The following CTNNA3 variants were observed in gnomAD, a reference collection of about 807,000 sequenced individuals.
CTNNA3 encodes catenin alpha 3.
Under a neutral mutation model 95.7 loss-of-function variants are expected in CTNNA3, and 76 were observed. That is an observed-to-expected ratio of 0.79 (90% CI 0.66 to 0.96). The LOEUF (loss-of-function observed/expected upper bound fraction) is 0.96, where lower values mean the gene tolerates loss of function less well. Ranked by LOEUF, CTNNA3 falls within the 40% of genes least tolerant of loss-of-function variation. The probability of loss-of-function intolerance (pLI) is 0.00; values close to 1 mark genes in which losing one functional copy is unlikely to be tolerated. For synonymous variants in CTNNA3, 431 were observed against 374.4 expected (o/e 1.15, Z -1.74); for missense variants, 1,191 against 1,089.8 (o/e 1.09, Z -1.31).
chr10:67,628,524 G>C, intron 2 of CTNNA3, among the ~76,000 whole-genome samples: 1 of 151,900 alleles, frequency 6.6e-6, no homozygotes, highest in African/African-American at 2.4e-5. Flanking sequence ...ACTAACTTTG[G>C]GATTTTCCCA....
At chr10:67,512,715 G>A (rs973101896) in intron 5 of CTNNA3, among the ~76,000 whole-genome samples, 9 of 151,244 alleles carry the variant, frequency 6.0e-5, no homozygotes, top group Non-Finnish European at 1.0e-4. Context: ...GGCCAGGAGC[G>A]GTGGCTCACA....
chr10:66,904,523 A>C (rs12241627), intron 7 of CTNNA3, among the ~76,000 whole-genome samples: 3 of 152,002 alleles, frequency 2.0e-5, no homozygotes, highest in African/African-American at 4.8e-5. Context: ...AAATGGGATC[A>C]AGTTAAACTA....
At chr10:66,767,274 C>T (rs56996505) in intron 8 of CTNNA3, among the ~76,000 whole-genome samples, 1 of 151,670 alleles carries the variant, frequency 6.6e-6, no homozygotes, top group East Asian at 1.9e-4. Flanking sequence ...GGTAAAACCC[C>T]GTCTCTACTA....
intron 1 of CTNNA3, among the ~76,000 whole-genome samples, chr10:67,650,845 G>A (rs150337473): frequency 6.6e-6 from 1 of 152,206 alleles, no homozygotes; most frequent in East Asian, 1.9e-4. Flanking sequence ...AGAGGCCAGT[G>A]GAAAACTATT....
In CTNNA3 at chr10:66,718,923, C is replaced by T. The variant is rs1167479345; in HGVS notation, c.1281+47341G>A. Among the ~76,000 whole-genome samples the T allele has an allele frequency of 2.0e-5, 3 of 152,134 alleles. No homozygotes were observed. In the East Asian group the frequency reaches 5.8e-4, roughly 29 times the overall value. ...TTCCCTTTTTGTGCAACACATTTACCACTAAAGTAACATAGAAAGTCTGTG... is the reference window on the plus strand; with the variant it reads ...TTCCCTTTTTGTGCAACACATTTACTACTAAAGTAACATAGAAAGTCTGTG... On this transcript the variant is annotated intron_variant, in intron 9 of 17. Transcript: ENST00000433211.
At chr10:65,952,468 ATT>A (rs2077639183) in intron 17 of CTNNA3, among the ~76,000 whole-genome samples, 1 of 145,968 alleles carries the variant, frequency 6.9e-6, no homozygotes. Flanking sequence ...CCCTTTCTTC[ATT>A]TCTTTTGCTT....
intron 9 of CTNNA3, among the ~76,000 whole-genome samples, chr10:66,635,426 C>T (rs1845300476): frequency 6.6e-6 from 1 of 152,070 alleles, no homozygotes; most frequent in African/African-American, 2.4e-5. Flanking sequence ...CTTTCATTAT[C>T]ATTGAAATTG....
At chr10:66,274,270 T>G (rs565782038) in intron 13 of CTNNA3, among the ~76,000 whole-genome samples, 1 of 152,306 alleles carries the variant, frequency 6.6e-6, no homozygotes, top group South Asian at 2.1e-4. Flanking sequence ...TTATACCATT[T>G]TCATGAGTCA....
intron 11 of CTNNA3, among the ~76,000 whole-genome samples, chr10:66,392,080 T>C (rs1023941116): frequency 2.6e-5 from 4 of 151,016 alleles, no homozygotes; most frequent in Non-Finnish European, 4.4e-5. Context: ...TACAAAAAAA[T>C]GAATACATTG....
At chr10:67,640,424 A>G (rs1460535871) in intron 2 of CTNNA3, among the ~76,000 whole-genome samples, 1 of 152,310 alleles carries the variant, frequency 6.6e-6, no homozygotes, top group Admixed American at 6.5e-5. Flanking sequence ...AAATGGCCAT[A>G]CTGCCCAAGG....
rs532034815 is a variant in CTNNA3 at position 65,916,467 on chromosome 10, A to G, written c.*3863T>C. The G allele has an allele frequency of 2.6e-5, 4 of 152,284 alleles. No homozygotes were observed. In the South Asian group the frequency reaches 8.3e-4, roughly 32 times the overall value. 9.4% of individuals were successfully genotyped at this position (152,284 alleles called of 1,614,324 possible). A position where few individuals can be genotyped will look rare whatever the true frequency, so the allele number is the denominator to read the frequency against. ...AAGAGAATGGTGGATATCACCAGGA[A>G]AAGTCTCAGATCTTATTCCACTCAT... On this transcript the variant is annotated 3_prime_UTR_variant, in exon 18 of 18. Transcript: ENST00000433211.
chr10:66,664,233 A>G (rs1051041638), intron 9 of CTNNA3, among the ~76,000 whole-genome samples: 3 of 152,134 alleles, frequency 2.0e-5, no homozygotes, highest in Non-Finnish European at 4.4e-5. Context: ...TAGGGTTGAC[A>G]TTGAATAATA....
chr10:66,105,674 CTTTGTG>C (rs2081866651), intron 13 of CTNNA3, among the ~76,000 whole-genome samples: 1 of 152,164 alleles, frequency 6.6e-6, no homozygotes, highest in African/African-American at 2.4e-5. Flanking sequence ...CTGTGTTTTT[CTTTGTG>C]TTTAACACAG....
chr10:67,279,498 T>C (rs373506529), intron 5 of CTNNA3, among the ~76,000 whole-genome samples: 1 of 148,818 alleles, frequency 6.7e-6, no homozygotes, highest in African/African-American at 2.6e-5. Context: ...AGGGAGAGTA[T>C]GGAAATACAC....
At position 67,611,503 on chromosome 10, in the gene CTNNA3, A is replaced by G. The variant is rs528528618; in HGVS notation, c.100-4454T>C. On this transcript the variant is annotated intron_variant, in intron 2 of 17. Transcript: ENST00000433211. The stretch of plus-strand genomic sequence containing the variant: ...TAATTTTTTTTGTATTTTTTAGTAG[A>G]GACAGGGTTTCACCATGTTAGCCAG... Among the ~76,000 whole-genome samples, 5 of 151,820 alleles carry G rather than the reference A, an allele frequency of 3.3e-5. No individual in the cohort carries two copies. The South Asian group carries it at 1.0e-3, about 32-fold the overall frequency.
chr10:67,183,741 C>T (rs1000102743), intron 6 of CTNNA3, among the ~76,000 whole-genome samples: 9 of 151,440 alleles, frequency 5.9e-5, no homozygotes, highest in Non-Finnish European at 1.2e-4. Flanking sequence ...AAAAAGTTCA[C>T]GTAAAAAGTG....
chr10:66,404,779 TG>T (rs201962161), intron 11 of CTNNA3, among the ~76,000 whole-genome samples: 1 of 115,224 alleles, frequency 8.7e-6, no homozygotes, highest in East Asian at 6.3e-4. Flanking sequence ...GTTTTTCCTG[TG>T]GGTTTTTTTT....
At chr10:67,552,329 A>G (rs1841062764) in intron 3 of CTNNA3, among the ~76,000 whole-genome samples, 1 of 152,128 alleles carries the variant, frequency 6.6e-6, no homozygotes, top group South Asian at 2.1e-4. Context: ...AACTTGGAAT[A>G]ATGATTATAT....
chr10:67,170,247 C>T (rs896988233), intron 7 of CTNNA3, among the ~76,000 whole-genome samples: 25 of 152,110 alleles, frequency 1.6e-4, no homozygotes, highest in African/African-American at 2.9e-4. Flanking sequence ...AACTGCCATT[C>T]GACCCAGTAA....
Sources: gnomAD v4.1 joint callset for allele counts (sites outside exome capture counted in the v4.1 genomes callset) on GRCh38, gnomAD v4.1.1 for gene constraint, MANE v1.5 for transcripts, NCBI Gene and HGNC (gene_info 2026-07-23, HGNC 2026-07-21) for gene names.